The following STXBP6 variants were observed in gnomAD, a reference collection of about 807,000 sequenced individuals.
The protein encoded by STXBP6 is syntaxin binding protein 6.
STXBP6 carries 21 observed loss-of-function variants against 26.9 expected under a neutral mutation model. That is an observed-to-expected ratio of 0.78 (90% CI 0.55 to 1.12). STXBP6 has a LOEUF of 1.12. STXBP6 is among the 50% of genes most tolerant of loss of function. The pLI is 0.00. For missense variants in STXBP6, 232 were observed against 257.9 expected (o/e 0.90, Z 0.69); for synonymous variants, 97 against 92.6 (o/e 1.05, Z -0.27).
intron 1 of STXBP6, among the ~76,000 whole-genome samples, chr14:24,989,654 A>G (rs2074416503): frequency 6.6e-6 from 1 of 152,210 alleles, no homozygotes; most frequent in Non-Finnish European, 1.5e-5. Context: ...TAATGTATGA[A>G]GGTGAGGACT....
chr14:24,836,052 T>C (rs959174934), intron 4 of STXBP6, among the ~76,000 whole-genome samples: 2 of 152,208 alleles, frequency 1.3e-5, no homozygotes, highest in African/African-American at 2.4e-5. Flanking sequence ...CTTCACTCTT[T>C]TCACTGCTGC....
At chr14:24,979,138 T>C (rs2074122130) in intron 1 of STXBP6, among the ~76,000 whole-genome samples, 1 of 152,272 alleles carries the variant, frequency 6.6e-6, no homozygotes, top group African/African-American at 2.4e-5. Context: ...TCTATTTAGC[T>C]TAATACTGTT....
At chr14:24,813,929 C>A (rs2067895127) in intron 5 of STXBP6, among the ~76,000 whole-genome samples, 1 of 152,168 alleles carries the variant, frequency 6.6e-6, no homozygotes, top group Non-Finnish European at 1.5e-5. Flanking sequence ...GTGTCCCCAG[C>A]CAGGTTTGCA....
At chr14:24,821,730 G>T (rs909395856) in intron 4 of STXBP6, among the ~76,000 whole-genome samples, 1 of 151,796 alleles carries the variant, frequency 6.6e-6, no homozygotes, top group Admixed American at 6.6e-5. Context: ...ATCCTTCTTG[G>T]GTACTTAATT....
At position 24,914,553 on chromosome 14, in the gene STXBP6, A is replaced by G. The variant is rs76338641; in HGVS notation, c.155-57396T>C. Among the ~76,000 whole-genome samples the G allele has an allele frequency of 1.5e-3, 226 of 152,126 alleles. 2 individuals are homozygous for G. In the East Asian group the frequency reaches 0.039, roughly 26 times the overall value. ...CTCCCCCTTCCTAAATAAAATATCC[A>G]TTTCCCCTTTTTCCTCATTTAAAAG... On this transcript the variant is annotated intron_variant, in intron 2 of 5. Coordinates refer to ENST00000323944, the MANE Select transcript of STXBP6 (RefSeq NM_001394410.1).
intron 2 of STXBP6, among the ~76,000 whole-genome samples, chr14:24,922,413 G>A (rs1315823443): frequency 6.6e-6 from 1 of 152,108 alleles, no homozygotes; most frequent in Non-Finnish European, 1.5e-5. Flanking sequence ...TCACCTAGCG[G>A]AATTATCAAT....
At chr14:24,901,998 T>G (rs2071230932) in intron 2 of STXBP6, among the ~76,000 whole-genome samples, 1 of 152,178 alleles carries the variant, frequency 6.6e-6, no homozygotes, top group Non-Finnish European at 1.5e-5. Context: ...TTTTACTGCA[T>G]GTACATCATG....
At position 24,922,581 on chromosome 14, in the gene STXBP6, C is replaced by T. The variant is rs1003457855; in HGVS notation, c.154+52084G>A. 4.6e-5 allele frequency among the ~76,000 whole-genome samples: 7 copies of T among 152,072 alleles called. 2 individuals are homozygous for T. The highest frequency in any genetic ancestry group is 3.9e-4 in the Admixed American group (6 of 15,266). ...TTTCAAAATTCTTCTAAGAAGACAT[C>T]TCTACAACCTCCCAGGTCCTACAAG... On this transcript the variant is annotated intron_variant, in intron 2 of 5. Transcript: ENST00000323944.
At chr14:24,971,915 T>C (rs1348313372) in intron 2 of STXBP6, among the ~76,000 whole-genome samples, 2 of 152,264 alleles carry the variant, frequency 1.3e-5, no homozygotes, top group Non-Finnish European at 2.9e-5. Context: ...ATAGAATGCT[T>C]GGCACAGAAA....
chr14:24,965,470 A>G (rs143710565), intron 2 of STXBP6, among the ~76,000 whole-genome samples: 2 of 152,114 alleles, frequency 1.3e-5, no homozygotes, highest in South Asian at 2.1e-4. Context: ...TTAAAAAGCT[A>G]CAGATGAACA....
At chr14:24,834,684 T>G (rs2068558527) in intron 4 of STXBP6, among the ~76,000 whole-genome samples, 1 of 152,144 alleles carries the variant, frequency 6.6e-6, no homozygotes, top group Admixed American at 6.5e-5. Flanking sequence ...ATTAGACCAT[T>G]GTAAATATTC....
intron 1 of STXBP6, among the ~76,000 whole-genome samples, chr14:25,013,473 C>CACACAA (rs1205639310): frequency 1.4e-5 from 2 of 147,572 alleles, no homozygotes; most frequent in African/African-American, 5.1e-5. Context: ...CTTTCACACA[C>CACACAA]ACACACACAC....
At chr14:24,842,680 C>A (rs2068819568) in intron 4 of STXBP6, among the ~76,000 whole-genome samples, 1 of 151,468 alleles carries the variant, frequency 6.6e-6, no homozygotes, top group South Asian at 2.1e-4. Flanking sequence ...TTTTAACCAG[C>A]AAACAAAGGA....
At chr14:24,820,183 T>C (rs1212580984) in intron 4 of STXBP6, among the ~76,000 whole-genome samples, 8 of 152,250 alleles carry the variant, frequency 5.3e-5, no homozygotes, top group African/African-American at 1.9e-4. Flanking sequence ...ATAATGACTT[T>C]ATGTCTTTGA....
intron 2 of STXBP6, among the ~76,000 whole-genome samples, chr14:24,929,502 G>C (rs2072302945): frequency 6.6e-6 from 1 of 152,190 alleles, no homozygotes; most frequent in Non-Finnish European, 1.5e-5. Context: ...TAAAGTAATA[G>C]TTTGCAGTCC....
In STXBP6 at chr14:24,968,467, T is replaced by C. The variant is rs1241423473; in HGVS notation, c.154+6198A>G. Among the ~76,000 whole-genome samples the C allele has an allele frequency of 3.3e-5, 5 of 152,174 alleles. No individual in the cohort carries two copies. The East Asian group carries it at 9.7e-4, about 29-fold the overall frequency. On this transcript the variant is annotated intron_variant, in intron 2 of 5. Coordinates refer to ENST00000323944, the MANE Select transcript of STXBP6 (RefSeq NM_001394410.1). The stretch of plus-strand genomic sequence containing the variant: ...CTTTTCTAATTCAGAAAGTCTGAAT[T>C]AGAAAGAGAGAAACAGAGTTTCTCT...
intron 2 of STXBP6, among the ~76,000 whole-genome samples, chr14:24,892,526 G>A (rs1384807696): frequency 1.3e-5 from 2 of 152,086 alleles, no homozygotes; most frequent in East Asian, 3.9e-4. Context: ...TTCTGATTCT[G>A]GGCCAACCAC....
chr14:24,871,928 T>G (rs762370073), intron 2 of STXBP6, among the ~76,000 whole-genome samples: 1 of 152,128 alleles, frequency 6.6e-6, no homozygotes, highest in Non-Finnish European at 1.5e-5. Context: ...TTACTAATAA[T>G]CTGGTGCCTC....
chr14:24,877,269 C>T (rs1421977096), intron 2 of STXBP6, among the ~76,000 whole-genome samples: 2 of 152,118 alleles, frequency 1.3e-5, no homozygotes, highest in East Asian at 3.8e-4. Context: ...ATAAATGCTG[C>T]CAGTGCTTGC....
Sources: allele counts gnomAD v4.1 joint callset (sites outside exome capture counted in the v4.1 genomes callset), GRCh38; gene constraint gnomAD v4.1.1; transcripts MANE v1.5; gene names NCBI Gene and HGNC (gene_info 2026-07-23, HGNC 2026-07-21).